The following VPS8 variants were observed in gnomAD, a reference collection of about 807,000 sequenced individuals.
VPS8 encodes the protein VPS8 subunit of CORVET complex.
A neutral mutation model predicts 216.4 loss-of-function variants in VPS8; 129 were observed. That is an observed-to-expected ratio of 0.60 (90% CI 0.52 to 0.69). The LOEUF (loss-of-function observed/expected upper bound fraction) is 0.69. Ranked by LOEUF, VPS8 falls within the 30% of genes least tolerant of loss-of-function variation. The pLI, the probability that VPS8 is intolerant of heterozygous loss-of-function variation, is 0.00. For missense variants in VPS8, 1,531 were observed against 1,683.5 expected (o/e 0.91, Z 1.59); for synonymous variants, 571 against 565.4 (o/e 1.01, Z -0.14).
chr3:184,921,843 G>C (rs1738684210), intron 29 of VPS8, among the ~76,000 whole-genome samples: 1 of 152,170 alleles, frequency 6.6e-6, no homozygotes, highest in South Asian at 2.1e-4. Context: ...GGGATTACAG[G>C]TGTGAGCCAC....
At chr3:184,961,147 G>A (rs1310723570) in intron 37 of VPS8, among the ~76,000 whole-genome samples, 1 of 152,246 alleles carries the variant, frequency 6.6e-6, no homozygotes, top group Non-Finnish European at 1.5e-5. Context: ...CTAAATAGCA[G>A]TTGAGTAAGT....
intron 7 of VPS8, 104 bp downstream of exon 7, chr3:184,839,856 A>G: frequency 9.0e-6 from 13 of 1,450,998 alleles, no homozygotes; most frequent in Non-Finnish European, 1.2e-5. Flanking sequence ...TTTCTTGAAC[A>G]AAACCAGAAA....
At chr3:184,888,546 C>T (rs567664939) in intron 22 of VPS8, among the ~76,000 whole-genome samples, 41 of 152,184 alleles carry the variant, frequency 2.7e-4, no homozygotes, top group Admixed American at 5.9e-4. Context: ...GTTATATGTC[C>T]TGTATTTTTA....
intron 46 of VPS8, among the ~76,000 whole-genome samples, chr3:185,026,094 T>C (rs1043640677): frequency 1.3e-5 from 2 of 152,184 alleles, no homozygotes; most frequent in African/African-American, 2.4e-5. Context: ...TTGTATAATA[T>C]TGTTCATTCA....
chr3:184,999,862 G>A lies in VPS8; in HGVS notation c.4002+1G>A. 6.2e-7 allele frequency: 1 copy of A among 1,602,090 alleles called. No homozygotes were observed. The highest frequency in any genetic ancestry group is 8.5e-7 in the Non-Finnish European group (1 of 1,175,504). On this transcript the variant is annotated splice_donor_variant, in intron 45 of 47. Coordinates refer to ENST00000625842, the MANE Select transcript of VPS8 (RefSeq NM_001009921.3). LOFTEE classifies it high-confidence loss of function. ...AAAGGGAAGGATAACCCCATCACAG[G>A]TAAGACTTGTTTTCGTGGCAAAATG...
intron 21 of VPS8, among the ~76,000 whole-genome samples, chr3:184,885,633 C>G (rs117240445): frequency 6.6e-6 from 1 of 151,932 alleles, no homozygotes; most frequent in Non-Finnish European, 1.5e-5. Flanking sequence ...CTTTTTTTTG[C>G]GAGTTTTCTT....
chr3:185,029,748 G>C (rs1054319902), intron 46 of VPS8, among the ~76,000 whole-genome samples: 1 of 152,084 alleles, frequency 6.6e-6, no homozygotes, highest in South Asian at 2.1e-4. Context: ...ATTTTTAGGA[G>C]AGAAGGGGTT....
chr3:184,934,541 T>G (rs1477935418), intron 34 of VPS8, among the ~76,000 whole-genome samples: 1 of 152,222 alleles, frequency 6.6e-6, no homozygotes, highest in African/African-American at 2.4e-5. Flanking sequence ...TTTTAAAAAT[T>G]TCATTTCCAA....
rs376531781 is a variant in VPS8 at position 184,853,335 on chromosome 3, CAG to C, written c.822-521_822-520del. ...TGTAAGTGCTGTGAAGAAAACAAGA[CAG>C]GGGATTGCACTAGGTTGTACTTGAG... On this transcript the variant is annotated intron_variant, in intron 11 of 47. Coordinates refer to ENST00000625842, the MANE Select transcript of VPS8 (RefSeq NM_001009921.3). Among the ~76,000 whole-genome samples the C allele has an allele frequency of 1.3e-3, 196 of 152,260 alleles. 1 individual carries two copies. In the Middle Eastern group the frequency reaches 0.024, roughly 18 times the overall value.
At chr3:184,947,733 G>C (rs149131675) in intron 36 of VPS8, among the ~76,000 whole-genome samples, 1 of 152,154 alleles carries the variant, frequency 6.6e-6, no homozygotes, top group African/African-American at 2.4e-5. Flanking sequence ...TACAGTTGGA[G>C]TAAAAGTAAA....
chr3:185,011,717 A>G (rs1471866581), intron 45 of VPS8, among the ~76,000 whole-genome samples: 1 of 152,248 alleles, frequency 6.6e-6, no homozygotes, highest in African/African-American at 2.4e-5. Flanking sequence ...TCCCAGGACT[A>G]AGGGCAAAAG....
chr3:184,828,497 G>A (rs903171014), intron 3 of VPS8, among the ~76,000 whole-genome samples: 10 of 151,774 alleles, frequency 6.6e-5, no homozygotes, highest in Non-Finnish European at 1.3e-4. Flanking sequence ...TCAGAATTTA[G>A]GACATGAAAG....
chr3:184,963,244 A>G (rs1240252333), intron 37 of VPS8, among the ~76,000 whole-genome samples: 4 of 152,116 alleles, frequency 2.6e-5, no homozygotes, highest in Admixed American at 2.6e-4. Flanking sequence ...ATTTTGATTT[A>G]TGAATACATT....
intron 45 of VPS8, among the ~76,000 whole-genome samples, chr3:185,013,236 TGGCCAGTTTGGG>T (rs1487622810): frequency 1.3e-5 from 2 of 152,264 alleles, no homozygotes; most frequent in Admixed American, 1.3e-4. Context: ...ATTTCGTTTA[TGGCCAGTTTGGG>T]GGCCAGTTTA....
Position 185,050,123 on chromosome 3 carries a change from A to ATT in VPS8, c.4137+1581_4137+1582dup, listed in dbSNP as rs397939506. Among the ~76,000 whole-genome samples the ATT allele has an allele frequency of 6.7e-3, 931 of 139,378 alleles. 15 individuals carry two copies. Among genetic ancestry groups the ATT allele is most frequent in the African/African-American group, 0.023 (878 of 38,398 alleles). 91.4% of individuals were successfully genotyped at this position (139,378 alleles called of 152,430 possible). On this transcript the variant is annotated intron_variant, in intron 47 of 47. Transcript: ENST00000625842. ...AAAATATCTGTTTTCCTGGGAAATA[A>ATT]TTTTTTTTTTTTTTTTTTGCAATTG...
At chr3:184,861,030 G>A (rs1726277083) in intron 15 of VPS8, among the ~76,000 whole-genome samples, 1 of 152,074 alleles carries the variant, frequency 6.6e-6, no homozygotes, top group African/African-American at 2.4e-5. Flanking sequence ...CACCGTGTTA[G>A]CCAGGATGGT....
rs576380035 is a variant in VPS8 at position 184,893,286 on chromosome 3, GT to G, written c.1782-1412del. 5.5e-4 allele frequency: 714 copies of G among 1,288,026 alleles called. 2 individuals are homozygous for G. In the African/African-American group the frequency reaches 0.01, roughly 19 times the overall value. The allele number at this position is 1,288,026 out of a possible 1,614,324, so 79.8% of individuals were successfully genotyped here. ...TAGTCCTTTCAGGAGCTTCCTTGAT[GT>G]TTTTGTGGAACTTGTCATGAAAGAC... On this transcript the variant is annotated intron_variant, in intron 22 of 47. Coordinates refer to ENST00000625842, the MANE Select transcript of VPS8 (RefSeq NM_001009921.3).
chr3:184,935,135 C>CT lies in VPS8; in HGVS notation c.2899-1110dup, dbSNP rs529278621. ...TTGATCCCAGGACTTCCAGACCAGC[C>CT]TGGGCAACATAGCAAGACCCCGTCT... On this transcript the variant is annotated intron_variant, in intron 34 of 47. Coordinates refer to ENST00000625842, the MANE Select transcript of VPS8 (RefSeq NM_001009921.3). 2.7e-3 allele frequency among the ~76,000 whole-genome samples: 411 copies of CT among 152,002 alleles called. 2 individuals carry two copies. The highest frequency in any genetic ancestry group is 9.8e-3 in the African/African-American group (407 of 41,454).
chr3:184,931,839 T>TTA (rs772222174), intron 34 of VPS8, among the ~76,000 whole-genome samples: 2 of 152,126 alleles, frequency 1.3e-5, no homozygotes, highest in Admixed American at 6.6e-5. Flanking sequence ...GTCTCCATGG[T>TTA]TATATTATGA....
Sources: gnomAD v4.1 joint callset for allele counts (sites outside exome capture counted in the v4.1 genomes callset) on GRCh38, gnomAD v4.1.1 for gene constraint, MANE v1.5 for transcripts, NCBI Gene and HGNC (gene_info 2026-07-23, HGNC 2026-07-21) for gene names.